CARM1: variants seen among roughly 807,000 people sequenced by gnomAD.
The protein encoded by CARM1 is coactivator associated arginine methyltransferase 1.
CARM1 carries 14 observed loss-of-function variants against 72.7 expected under a neutral mutation model. That is an observed-to-expected ratio of 0.19 (90% CI 0.13 to 0.30). The LOEUF is 0.30. Among genes scored for constraint, CARM1 ranks in the 10% least tolerant of loss-of-function variants. CARM1 has a pLI of 1.00. For missense variants in CARM1, 432 were observed against 833.7 expected (o/e 0.52, Z 5.93); for synonymous variants, 333 against 345.5 (o/e 0.96, Z 0.40).
At chr19:10,907,850 A>G (rs532526617) in intron 2 of CARM1, among the ~76,000 whole-genome samples, 189 bp from the exon 3 acceptor site, 2 of 152,334 alleles carry the variant, frequency 1.3e-5, no homozygotes, top group East Asian at 3.9e-4. Flanking sequence ...CAGTCACCAC[A>G]GTGCAGGCAT....
Position 10,881,604 on chromosome 19 carries a change from C to T in CARM1, c.220+9682C>T, listed in dbSNP as rs543955977. Among the ~76,000 whole-genome samples, 65 of 151,812 alleles carry T rather than the reference C, an allele frequency of 4.3e-4. 2 individuals are homozygous for T. In the South Asian group the frequency reaches 0.012, roughly 27 times the overall value. On this transcript the variant is annotated intron_variant, in intron 1 of 15. Transcript: ENST00000327064. Reference sequence around the variant, plus strand: ...CACAGGTGACCTCAGAGAGCAGTCCCCTGGAGGGCTGGGGTGGGGGAGGGG... The same window carrying T: ...CACAGGTGACCTCAGAGAGCAGTCCTCTGGAGGGCTGGGGTGGGGGAGGGG...
At chr19:10,885,890 T>G (rs2073937532) in intron 1 of CARM1, among the ~76,000 whole-genome samples, 1 of 107,148 alleles carries the variant, frequency 9.3e-6, no homozygotes. Flanking sequence ...ACTCCCTCAT[T>G]TTTTTTTTTT....
At chr19:10,878,993 G>C (rs2073882585) in intron 1 of CARM1, among the ~76,000 whole-genome samples, 1 of 152,112 alleles carries the variant, frequency 6.6e-6, no homozygotes, top group South Asian at 2.1e-4. Flanking sequence ...TTTTAGTAGA[G>C]ACGGGGTATC....
In CARM1 at chr19:10,896,155, T is replaced by A. The variant is rs575075556; in HGVS notation, c.221-8796T>A. Among the ~76,000 whole-genome samples, 2 of 152,004 alleles carry A rather than the reference T, an allele frequency of 1.3e-5. No individual in the cohort carries two copies. The highest frequency in any genetic ancestry group is 2.9e-5 in the Non-Finnish European group (2 of 67,982). ...ACTGGGAGGTGACTGAGGCATGGTATGTCGCCCGGCACCATCTGCTCAGTG... is the reference window on the plus strand; with the variant it reads ...ACTGGGAGGTGACTGAGGCATGGTAAGTCGCCCGGCACCATCTGCTCAGTG... On this transcript the variant is annotated intron_variant, in intron 1 of 15. Transcript: ENST00000327064. The surrounding 1 kb of genome is among the most constrained non-coding windows in gnomAD (Gnocchi z 5.2).
chr19:10,913,010 TC>T (rs2074164822), intron 5 of CARM1, among the ~76,000 whole-genome samples: 1 of 151,848 alleles, frequency 6.6e-6, no homozygotes, highest in East Asian at 1.9e-4. Flanking sequence ...TGTCTGCTCG[TC>T]CCCCTCTTTG....
chr19:10,909,172 G>A lies in CARM1; in HGVS notation c.523G>A (p.Ala175Thr). ...CGTGCGGACAGGCACCTACCAGCGC[G>A]CCATCCTGCAAAACCACACCGACTT... ...DYVRTGTYQR[A>T]ILQNHTDFKD... The change falls in exon 4 of 16, where the codon GCC (alanine) becomes ACC (threonine). Residue 175 changes from alanine (A) to threonine (T), a missense_variant. Physicochemically the swap from Ala to Thr is moderately conservative, Grantham distance 58 (BLOSUM62 0). Around this residue, in one of 3 missense-constraint regions of CARM1, gnomAD observed 152 missense variants for 452.8 expected, o/e 0.34. Coordinates refer to ENST00000327064, the MANE Select transcript of CARM1 (RefSeq NM_199141.2). 1 of 1,613,384 alleles carries A rather than the reference G, an allele frequency of 6.2e-7. No individual in the cohort carries two copies. Among genetic ancestry groups the A allele is most frequent in the Non-Finnish European group, 8.5e-7 (1 of 1,179,774 alleles).
chr19:10,906,861 C>CTTTATTTTATTTTATTTTATTTTAT (rs58330229), intron 2 of CARM1, among the ~76,000 whole-genome samples: 89 of 114,908 alleles, frequency 7.7e-4, no homozygotes, highest in Non-Finnish European at 1.1e-3. Context: ...ATAAATATAG[C>CTTTATTTTATTTTATTTTATTTTAT]TTTATTTTAT....
chr19:10,884,399 C>T (rs1277906751), intron 1 of CARM1, among the ~76,000 whole-genome samples: 1 of 151,908 alleles, frequency 6.6e-6, no homozygotes, highest in East Asian at 1.9e-4. Flanking sequence ...TTGTCCAGGC[C>T]GGTCTCAAAC....
chr19:10,914,926 T>A (rs1250344780), intron 6 of CARM1, among the ~76,000 whole-genome samples: 1 of 152,224 alleles, frequency 6.6e-6, no homozygotes, highest in Non-Finnish European at 1.5e-5. Context: ...CATGTGCCTG[T>A]GGCTCTTCTC....
Position 10,871,937 on chromosome 19 carries a change from C to CCGGGGCAGGCG in CARM1, c.220+17_220+27dup, listed in dbSNP as rs1453165723. On this transcript the variant is annotated intron_variant, in intron 1 of 15. Coordinates refer to ENST00000327064, the MANE Select transcript of CARM1 (RefSeq NM_199141.2). The surrounding 1 kb of genome is among the most constrained non-coding windows in gnomAD (Gnocchi z 5.6). ...CCTCTACAGCCGTGAGTACGGGGCCCCGGGGCAGGCGCAGGGCCGGGGCTG... is the reference window on the plus strand; with the variant it reads ...CCTCTACAGCCGTGAGTACGGGGCCCCGGGGCAGGCGCGGGGCAGGCGCAGGGCCGGGGCTG... The CCGGGGCAGGCG allele has an allele frequency of 9.3e-6, 11 of 1,182,492 alleles. No individual in the cohort carries two copies. Among genetic ancestry groups the CCGGGGCAGGCG allele is most frequent in the Non-Finnish European group, 1.2e-5 (11 of 955,758 alleles). 73.2% of individuals were successfully genotyped at this position (1,182,492 alleles called of 1,614,324 possible). A position where few individuals can be genotyped will look rare whatever the true frequency, so the allele number is the denominator to read the frequency against.
intron 3 of CARM1, 21 bp from the exon 4 acceptor site, chr19:10,909,082 A>G: frequency 6.3e-7 from 1 of 1,589,890 alleles, no homozygotes; most frequent in Non-Finnish European, 8.6e-7. Context: ...GCCCCGTGCC[A>G]TCGGTATGTC....
Position 10,922,951 on chromosome 19 carries a change from G to A in CARM1, c.*1194G>A, listed in dbSNP as rs895714221. 12 of 204,472 alleles carry A rather than the reference G, an allele frequency of 5.9e-5. No individual in the cohort carries two copies. Among genetic ancestry groups the A allele is most frequent in the African/African-American group, 1.9e-4 (8 of 42,268 alleles). 12.7% of individuals were successfully genotyped at this position (204,472 alleles called of 1,614,324 possible). A position where few individuals can be genotyped will look rare whatever the true frequency, so the allele number is the denominator to read the frequency against. On this transcript the variant is annotated 3_prime_UTR_variant, in exon 16 of 16. Transcript: ENST00000327064. ...CCATAGGAGGGAAAGCAGGTGGCCC[G>A]GGGGGGATATGGGGGCCCCAGCCCT... is the stretch of plus-strand genomic sequence containing the variant.
At chr19:10,919,309 C>T (rs1197275744) in intron 8 of CARM1, 2 of 377,764 alleles carry the variant, frequency 5.3e-6, no homozygotes, top group Non-Finnish European at 9.5e-6. Flanking sequence ...CACGGACAAT[C>T]TAATTATACA....
At chr19:10,874,100 G>A (rs2073844164) in intron 1 of CARM1, among the ~76,000 whole-genome samples, 1 of 152,132 alleles carries the variant, frequency 6.6e-6, no homozygotes, top group South Asian at 2.1e-4. Context: ...CTCTTTGAGA[G>A]GTAATTGGTA....
chr19:10,920,780 C>T lies in CARM1; in HGVS notation c.1424+32C>T, dbSNP rs371728070. The stretch of plus-strand genomic sequence containing the variant: ...GGGGCCCCTTGCCTGCACAGGGGGG[C>T]GCCCCGGCCCTGCAACCCCCTTGCC... On this transcript the variant is annotated intron_variant, in intron 12 of 15. Coordinates refer to ENST00000327064, the MANE Select transcript of CARM1 (RefSeq NM_199141.2). The surrounding 1 kb of genome is among the most constrained non-coding windows in gnomAD (Gnocchi z 5.3). 7.0e-4 allele frequency: 1,125 copies of T among 1,612,826 alleles called. 1 individual carries two copies. The highest frequency in any genetic ancestry group is 8.8e-4 in the Non-Finnish European group (1,036 of 1,178,830).
rs2074231495 is a variant in CARM1, at chr19:10,920,305, G to A, written c.1197-131G>A. 9.1e-6 allele frequency: 10 copies of A among 1,098,416 alleles called. No individual in the cohort carries two copies. The highest frequency in any genetic ancestry group is 9.0e-6 in the Non-Finnish European group (7 of 778,944). 68.0% of individuals were successfully genotyped at this position (1,098,416 alleles called of 1,614,324 possible). A position where few individuals can be genotyped will look rare whatever the true frequency, so the allele number is the denominator to read the frequency against. The stretch of plus-strand genomic sequence containing the variant: ...TCTGGGACTGCCTGGGGGCCAGCCT[G>A]TCTCTGCTCCAGGGTCCCAGGGGTC... On this transcript the variant is annotated intron_variant, in intron 10 of 15. Transcript: ENST00000327064. This position sits in a 1 kb window ranked among gnomAD's most constrained non-coding sequence, Gnocchi z 5.3.
chr19:10,906,250 G>A (rs542938894), intron 2 of CARM1, among the ~76,000 whole-genome samples: 1 of 152,018 alleles, frequency 6.6e-6, no homozygotes, highest in African/African-American at 2.4e-5. Flanking sequence ...CACTGCACCC[G>A]GCCGTTCCCA....
At chr19:10,906,153 C>T (rs2074102391) in intron 2 of CARM1, among the ~76,000 whole-genome samples, 1 of 140,618 alleles carries the variant, frequency 7.1e-6, no homozygotes, top group African/African-American at 2.7e-5. Flanking sequence ...TGGAGTTTTT[C>T]ATATTGCCCA....
At chr19:10,880,566 C>T (rs574244894) in intron 1 of CARM1, among the ~76,000 whole-genome samples, 14 of 141,036 alleles carry the variant, frequency 9.9e-5, no homozygotes, top group East Asian at 8.4e-4. Flanking sequence ...GTTGCTCAGG[C>T]GGATGTGGAA....
Sources: allele counts gnomAD v4.1 joint callset (sites outside exome capture counted in the v4.1 genomes callset), GRCh38; gene constraint gnomAD v4.1.1; regional missense constraint gnomAD v4.1.1; non-coding constraint Gnocchi (gnomAD v3.1); transcripts MANE v1.5; gene names NCBI Gene and HGNC (gene_info 2026-07-23, HGNC 2026-07-21).